The following ITGB7 variants were observed in gnomAD, a reference collection of about 807,000 sequenced individuals.
ITGB7 encodes the protein integrin beta-7.
ITGB7 carries 55 observed loss-of-function variants against 83.4 expected under a neutral mutation model. The ratio of observed to expected loss-of-function variants is 0.66; its 90% confidence interval spans 0.53 to 0.83. ITGB7 has a LOEUF of 0.83. ITGB7 is among the 40% of genes least tolerant of loss of function. ITGB7 has a pLI of 0.00. For synonymous variants in ITGB7, 454 were observed against 423.6 expected (o/e 1.07, Z -0.88); for missense variants, 921 against 1,046.7 (o/e 0.88, Z 1.66).
Position 53,197,832 on chromosome 12 carries a change from C to G in ITGB7, c.321G>C (p.Gln107His). ...GGGCGCCCTGGCTGAGCGGCTGGTCCTGCAGCACCTCCTGCTGGCCGCGGG... is the reference window on the plus strand; with the variant it reads ...GGGCGCCCTGGCTGAGCGGCTGGTCGTGCAGCACCTCCTGCTGGCCGCGGG... Reference protein sequence around the residue: ...EEPRGQQEVLQDQPLSQGARG... With the variant: ...EEPRGQQEVLHDQPLSQGARG... The change falls in exon 4 of 16, where the codon CAG becomes CAC. Residue 107 changes from glutamine to histidine, a missense_variant. Gln to His is a conservative substitution (Grantham distance 24, BLOSUM62 0). Transcript: ENST00000267082. 6.5e-7 allele frequency: 1 copy of G among 1,534,208 alleles called. No homozygotes were observed.
chr12:53,192,626 G>T (rs964481319), intron 13 of ITGB7, 65 bp downstream of exon 13: 1 of 1,595,468 alleles, frequency 6.3e-7, no homozygotes, highest in Non-Finnish European at 8.6e-7. Flanking sequence ...AGAGTAGGCA[G>T]ATGGGAGTAG....
intron 3 of ITGB7, among the ~76,000 whole-genome samples, chr12:53,199,522 C>A (rs1449019088): frequency 6.7e-6 from 1 of 150,258 alleles, no homozygotes; most frequent in African/African-American, 2.5e-5. Context: ...TACCCCTCCC[C>A]ACCCCCACCC....
chr12:53,198,045 GC>G, intron 3 of ITGB7, 94 bp from the exon 4 acceptor site: 2 of 937,948 alleles, frequency 2.1e-6, no homozygotes. Context: ...CACCTCTAAT[GC>G]CCCCACCTCC....
rs146656985 is a variant in ITGB7 at position 53,192,251 on chromosome 12, A to G, written c.2155+79T>C. 6.1e-4 allele frequency: 888 copies of G among 1,467,234 alleles called. 10 individuals are homozygous for G. The East Asian group carries it at 0.019, about 31-fold the overall frequency. The allele number at this position is 1,467,234 out of a possible 1,614,324, so 90.9% of individuals were successfully genotyped here. A position where few individuals can be genotyped will look rare whatever the true frequency, so the allele number is the denominator to read the frequency against. On this transcript the variant is annotated intron_variant, in intron 14 of 15. Transcript: ENST00000267082. Reference sequence around the variant, plus strand: ...TGCTTCAGCCCCCAGCCTGTTTCCCATTATCTTCACTCTGCATCCCCAGAG... The same window carrying G: ...TGCTTCAGCCCCCAGCCTGTTTCCCGTTATCTTCACTCTGCATCCCCAGAG...
At chr12:53,193,549 G>A in intron 11 of ITGB7, 159 bp downstream of exon 11, 1 of 762,360 alleles carries the variant, frequency 1.3e-6, no homozygotes, top group Non-Finnish European at 2.1e-6. Context: ...CAGGGGGAGG[G>A]CCTGGACATA....
intron 1 of ITGB7, among the ~76,000 whole-genome samples, chr12:53,205,424 A>G (rs1368713886): frequency 1.3e-5 from 2 of 152,110 alleles, no homozygotes; most frequent in Non-Finnish European, 2.9e-5. Context: ...CCTGAGCTCA[A>G]GCGACCCACC....
rs148203903 is a variant in ITGB7 at position 53,203,397 on chromosome 12, T to C, written c.-126-2203A>G. Among the ~76,000 whole-genome samples the C allele has an allele frequency of 2.6e-4, 40 of 152,114 alleles. 1 individual carries two copies. Among genetic ancestry groups the C allele is most frequent in the African/African-American group, 9.6e-4 (40 of 41,520 alleles). ...GTATGGTGGCTCACACCTGTAATCC[T>C]AGCACTTTGGGAGGCTGAGGTGGGT... On this transcript the variant is annotated intron_variant, in intron 1 of 15. Transcript: ENST00000267082.
intron 1 of ITGB7, among the ~76,000 whole-genome samples, chr12:53,205,825 T>C (rs1942430403): frequency 6.6e-6 from 1 of 152,124 alleles, no homozygotes; most frequent in African/African-American, 2.4e-5. Flanking sequence ...AGTCCTTGAA[T>C]GTCCTGGTCC....
Position 53,193,812 on chromosome 12 carries a change from C to G in ITGB7, c.1398G>C (p.Leu466=), listed in dbSNP as rs150966538. 3.8e-4 allele frequency: 620 copies of G among 1,614,078 alleles called. 2 individuals carry two copies. The African/African-American group carries it at 6.9e-3, about 18-fold the overall frequency. Residue 466 remains leucine (L), a synonymous_variant, in exon 11 of 16, where the codon CTG becomes CTC. Coordinates refer to ENST00000267082, the MANE Select transcript of ITGB7 (RefSeq NM_000889.3). ...RLRALGFSEE[L]IVELHTLCDC... ...CACACAGCGTGTGCAACTCCACAAT[C>G]AGCTCCTCTGAGAAGCCAAGGGCCC...
At position 53,193,193 on chromosome 12, in the gene ITGB7, A is replaced by G; in HGVS notation, c.1673T>C (p.Leu558Pro). The G allele has an allele frequency of 6.2e-7, 1 of 1,614,118 alleles. No individual in the cohort carries two copies. The highest frequency in any genetic ancestry group is 8.5e-7 in the Non-Finnish European group (1 of 1,180,006). Residue 558 changes from leucine to proline, a missense_variant, in exon 12 of 16, where the codon CTG becomes CCG. Leu to Pro is a moderately conservative substitution (Grantham distance 98). Transcript: ENST00000267082. ...CSCSGQSSGH[L>P]CECDDASCER... ...ACAGCTGGCATCGTCACACTCGCAC[A>G]GATGCCCAGAGCTCTGTCCACTGCA...
intron 5 of ITGB7, chr12:53,197,279 C>T: frequency 1.6e-6 from 1 of 640,236 alleles, no homozygotes; most frequent in Non-Finnish European, 2.8e-6. Context: ...GGGTCTCAGG[C>T]CTGTAAAACG....
rs779886215 is a variant in ITGB7, at chr12:53,197,925, C to T, written c.228G>A (p.Glu76=). ...QLNFTASGEA[E]ARRCARREEL... The stretch of plus-strand genomic sequence containing the variant: ...CCTCTCGTCGGGCGCAGCGCCGCGC[C>T]TCCGCCTCTCCCGACGCGGTGAAGT... The change falls in exon 4 of 16, where the codon GAG becomes GAA. Residue 76 remains glutamate, a synonymous_variant. Coordinates refer to ENST00000267082, the MANE Select transcript of ITGB7 (RefSeq NM_000889.3). 5 of 1,543,212 alleles carry T rather than the reference C, an allele frequency of 3.2e-6. No individual in the cohort carries two copies. The highest frequency in any genetic ancestry group is 4.3e-6 in the Non-Finnish European group (5 of 1,152,188).
chr12:53,193,648 C>T (rs1011926367), intron 11 of ITGB7, 60 bp downstream of exon 11: 13 of 1,421,836 alleles, frequency 9.1e-6, no homozygotes, highest in Middle Eastern at 2.3e-4. Flanking sequence ...CGGAGGAATA[C>T]GGGCCAGGGT....
intron 3 of ITGB7, among the ~76,000 whole-genome samples, chr12:53,198,255 G>A (rs565749359): frequency 6.6e-6 from 1 of 152,076 alleles, no homozygotes; most frequent in East Asian, 1.9e-4. Context: ...TCAGCCTCCC[G>A]GTAGCTGGGA....
Position 53,206,871 on chromosome 12 carries a change from G to A in ITGB7, c.-127+331C>T, listed in dbSNP as rs530964504. ...GGAAGAACCCTCCCTCAGTATAATC[G>A]GTATACCTGCCCTACTTCGGTATAG... On this transcript the variant is annotated intron_variant, in intron 1 of 15. Transcript: ENST00000267082. 4.6e-5 allele frequency: 7 copies of A among 152,318 alleles called. 1 individual carries two copies. Among genetic ancestry groups the A allele is most frequent in the South Asian group, 4.1e-4 (2 of 4,824 alleles). 9.4% of individuals were successfully genotyped at this position (152,318 alleles called of 1,614,324 possible). A position where few individuals can be genotyped will look rare whatever the true frequency, so the allele number is the denominator to read the frequency against.
At chr12:53,200,104 G>A in intron 3 of ITGB7, 139 bp downstream of exon 3, 1 of 729,718 alleles carries the variant, frequency 1.4e-6, no homozygotes, top group Non-Finnish European at 2.3e-6. Flanking sequence ...CACAAACTCA[G>A]TCACACATGA....
intron 10 of ITGB7, 113 bp downstream of exon 10, chr12:53,194,085 A>G (rs1942069812): frequency 4.1e-6 from 6 of 1,472,804 alleles, no homozygotes; most frequent in East Asian, 2.3e-5. Context: ...ATGGAGGACT[A>G]CCTCAGGCTC....
intron 1 of ITGB7, among the ~76,000 whole-genome samples, chr12:53,203,281 A>G (rs753107196): frequency 1.3e-5 from 2 of 152,236 alleles, no homozygotes; most frequent in Non-Finnish European, 2.9e-5. Context: ...ATTTCTTCAA[A>G]GAAGATAGAC....
At position 53,191,981 on chromosome 12, in the gene ITGB7, C is replaced by G. The variant is rs755047217; in HGVS notation, c.2194G>C (p.Val732Leu). The G allele has an allele frequency of 1.3e-5, 21 of 1,612,620 alleles. No individual in the cohort carries two copies. Among genetic ancestry groups the G allele is most frequent in the Non-Finnish European group, 5.9e-6 (7 of 1,179,976 alleles). Residue 732 changes from valine to leucine, a missense_variant, in exon 15 of 16, where the codon GTA (valine) becomes CTA (leucine). Transcript: ENST00000267082. ...DHTQAIVLGC[V>L]GGIVAVGLGL... ...AGCCCCACTGCCACGATGCCCCCTA[C>G]GCAGCCCAGCACAATGGCCTGCGTG...
Sources: allele counts gnomAD v4.1 joint callset (sites outside exome capture counted in the v4.1 genomes callset), GRCh38; gene constraint gnomAD v4.1.1; transcripts MANE v1.5; gene names NCBI Gene and HGNC (gene_info 2026-07-23, HGNC 2026-07-21).